FAM91A1: variants seen among roughly 807,000 people sequenced by gnomAD.
The protein encoded by FAM91A1 is family with sequence similarity 91 member A1, also known as protein FAM91A1.
Under a neutral mutation model 113.5 loss-of-function variants are expected in FAM91A1, and 41 were observed. The observed-to-expected ratio is 0.36, with a 90% CI of 0.28 to 0.47. FAM91A1 has a LOEUF of 0.47. Among genes scored for constraint, FAM91A1 ranks in the 20% least tolerant of loss-of-function variants. The pLI is 1.00. For missense variants in FAM91A1, 696 were observed against 1,001.2 expected, an observed-to-expected ratio of 0.70 and a Z score of 4.11; for synonymous variants, 307 against 347.9, an observed-to-expected ratio of 0.88 and a Z score of 1.31.
chr8:123,791,243 A>G lies in FAM91A1; in HGVS notation c.1411+1498A>G, dbSNP rs186317255. 2.3e-3 allele frequency among the ~76,000 whole-genome samples: 342 copies of G among 151,610 alleles called. 3 individuals carry two copies. The Middle Eastern group carries it at 0.028, about 12-fold the overall frequency. ...TTTTTTAGTCATCAAAGCCCATATT[A>G]TTAGTAAATGGAAGAGCCAGGAATG... On this transcript the variant is annotated intron_variant, in intron 15 of 23. Coordinates refer to ENST00000334705, the MANE Select transcript of FAM91A1 (RefSeq NM_144963.4).
At chr8:123,798,303 C>G (rs1815590528) in intron 16 of FAM91A1, 65 bp downstream of exon 16, 2 of 1,533,062 alleles carry the variant, frequency 1.3e-6, no homozygotes, top group African/African-American at 1.4e-5. Context: ...GTTTTCTTCT[C>G]TATCTGCAGA....
chr8:123,788,837 G>C (rs910524109), intron 14 of FAM91A1, among the ~76,000 whole-genome samples: 1 of 152,058 alleles, frequency 6.6e-6, no homozygotes, highest in African/African-American at 2.4e-5. Flanking sequence ...TCTTGGGAAA[G>C]CCTTTCAGTC....
At chr8:123,802,200 A>T (rs1279085502) in intron 18 of FAM91A1, among the ~76,000 whole-genome samples, 6 of 152,336 alleles carry the variant, frequency 3.9e-5, no homozygotes, top group African/African-American at 1.4e-4. Context: ...AAGACCAGTT[A>T]GGACTGTGTG....
intron 8 of FAM91A1, among the ~76,000 whole-genome samples, chr8:123,783,053 G>A (rs1815162640): frequency 1.3e-5 from 2 of 152,132 alleles, no homozygotes; most frequent in South Asian, 4.1e-4. Context: ...GCATGTGGCT[G>A]TAGTCCCAGC....
At chr8:123,770,193 C>T (rs1215625748) in intron 1 of FAM91A1, among the ~76,000 whole-genome samples, 4 of 152,154 alleles carry the variant, frequency 2.6e-5, no homozygotes, top group East Asian at 1.9e-4. Context: ...CCTCATGATC[C>T]GCCCGTCTCG....
At chr8:123,774,714 C>T (rs1814938454) in intron 2 of FAM91A1, among the ~76,000 whole-genome samples, 1 of 151,994 alleles carries the variant, frequency 6.6e-6, no homozygotes, top group South Asian at 2.1e-4. Flanking sequence ...TGTTTTTCTT[C>T]ATGAACATTT....
At chr8:123,776,439 C>A (rs1199280280) in intron 3 of FAM91A1, among the ~76,000 whole-genome samples, 1 of 152,146 alleles carries the variant, frequency 6.6e-6, no homozygotes, top group Non-Finnish European at 1.5e-5. Context: ...TTCTGCAGTC[C>A]CATGCATCCC....
At position 123,806,097 on chromosome 8, in the gene FAM91A1, A is replaced by G. The variant is rs757791917; in HGVS notation, c.1900A>G (p.Met634Val). ...ELQGEFTRVN[M>V]GVHKALQILR... ...GTTTGTAGAGTTCACTCGTGTCAAT[A>G]TGGGTGTTCATAAAGCATTGCAGAT... Residue 634 changes from methionine to valine, a missense_variant, in exon 20 of 24, where the codon ATG (methionine) becomes GTG (valine). Coordinates refer to ENST00000334705, the MANE Select transcript of FAM91A1 (RefSeq NM_144963.4). 1.6e-5 allele frequency: 26 copies of G among 1,604,304 alleles called. No individual in the cohort carries two copies. The highest frequency in any genetic ancestry group is 1.7e-5 in the Non-Finnish European group (20 of 1,174,430).
intron 22 of FAM91A1, 97 bp from the exon 23 acceptor site, chr8:123,810,185 A>G: frequency 9.0e-7 from 1 of 1,116,180 alleles, no homozygotes; most frequent in East Asian, 2.4e-5. Flanking sequence ...GCCAGGATAT[A>G]TAGATGCATT....
At chr8:123,789,920 A>G (rs1815343892) in intron 15 of FAM91A1, among the ~76,000 whole-genome samples, 175 bp downstream of exon 15, 1 of 152,142 alleles carries the variant, frequency 6.6e-6, no homozygotes, top group Non-Finnish European at 1.5e-5. Flanking sequence ...CTGTTTCTTA[A>G]CCTTATTTTA....
intron 22 of FAM91A1, among the ~76,000 whole-genome samples, chr8:123,809,659 A>G (rs956259520): frequency 2.6e-5 from 4 of 152,344 alleles, no homozygotes; most frequent in African/African-American, 9.6e-5. Context: ...ACAAGTCAAG[A>G]TCTTCTTATT....
chr8:123,809,109 A>C, intron 22 of FAM91A1, 93 bp downstream of exon 22: 1 of 1,517,748 alleles, frequency 6.6e-7, no homozygotes, highest in African/African-American at 1.4e-5. Flanking sequence ...ACACATGAGC[A>C]CAGTAATTGT....
chr8:123,792,075 T>C (rs960607231), intron 15 of FAM91A1, among the ~76,000 whole-genome samples: 1 of 152,056 alleles, frequency 6.6e-6, no homozygotes, highest in African/African-American at 2.4e-5. Context: ...CTCGGGAGGC[T>C]GAGGCAGGAG....
intron 9 of FAM91A1, chr8:123,784,880 T>C: frequency 4.5e-6 from 2 of 441,196 alleles, no homozygotes; most frequent in Non-Finnish European, 7.9e-6. Flanking sequence ...AATCTTAAAT[T>C]GTTATGGTCA....
chr8:123,769,338 C>T (rs1814784071), intron 1 of FAM91A1, among the ~76,000 whole-genome samples: 1 of 152,136 alleles, frequency 6.6e-6, no homozygotes, highest in African/African-American at 2.4e-5. Flanking sequence ...AGTGAAAGAA[C>T]ATGTCTCATG....
rs1039245531 is a variant in FAM91A1 at position 123,810,367 on chromosome 8, A to C, written c.2331+16A>C. On this transcript the variant is annotated intron_variant, in intron 23 of 23. Coordinates refer to ENST00000334705, the MANE Select transcript of FAM91A1 (RefSeq NM_144963.4). Reference sequence around the variant, plus strand: ...CTCATTCCAGGTAACAAAAACCAAAAAGTCCAAATGGTACTTGTACTGAGC... The same window carrying C: ...CTCATTCCAGGTAACAAAAACCAAACAGTCCAAATGGTACTTGTACTGAGC... The C allele has an allele frequency of 3.1e-6, 5 of 1,611,772 alleles. No homozygotes were observed. The highest frequency in any genetic ancestry group is 4.2e-6 in the Non-Finnish European group (5 of 1,178,100).
At chr8:123,770,269 G>A (rs1372653483) in intron 1 of FAM91A1, among the ~76,000 whole-genome samples, 1 of 152,180 alleles carries the variant, frequency 6.6e-6, no homozygotes, top group Non-Finnish European at 1.5e-5. Context: ...GATTGTTATA[G>A]TTTAGTTTAC....
chr8:123,807,506 A>T (rs13265181), intron 20 of FAM91A1, among the ~76,000 whole-genome samples: 23 of 151,510 alleles, frequency 1.5e-4, no homozygotes, highest in Non-Finnish European at 2.9e-5. Flanking sequence ...AAAAAAAGAA[A>T]CAAAAAAGAC....
intron 1 of FAM91A1, among the ~76,000 whole-genome samples, chr8:123,773,580 A>G (rs1383937577): frequency 2.6e-5 from 4 of 152,236 alleles, no homozygotes; most frequent in East Asian, 1.9e-4. Flanking sequence ...TTAAGAAACA[A>G]TCTTACGTAC....
Sources: allele counts gnomAD v4.1 joint callset (sites outside exome capture counted in the v4.1 genomes callset), GRCh38; gene constraint gnomAD v4.1.1; transcripts MANE v1.5; gene names NCBI Gene and HGNC (gene_info 2026-07-23, HGNC 2026-07-21).